The following ZNF521 variants were observed in gnomAD, a reference collection of about 807,000 sequenced individuals.
The protein encoded by ZNF521 is LYST-interacting protein 3.
Under a neutral mutation model 105.5 loss-of-function variants are expected in ZNF521, and 14 were observed. The observed-to-expected ratio is 0.13, with a 90% CI of 0.09 to 0.21. The LOEUF (loss-of-function observed/expected upper bound fraction) is 0.21. Among genes scored for constraint, ZNF521 ranks in the 10% least tolerant of loss-of-function variants. The pLI is 1.00. For missense variants in ZNF521, 1,233 were observed against 1,629.7 expected (o/e 0.76, Z 4.19); for synonymous variants, 635 against 606.0 (o/e 1.05, Z -0.70).
chr18:25,249,221 G>T (rs1907936352), intron 3 of ZNF521, among the ~76,000 whole-genome samples: 2 of 150,482 alleles, frequency 1.3e-5, no homozygotes, highest in South Asian at 4.2e-4. Context: ...TCGGCTCACT[G>T]CTCGGCTCAC....
chr18:25,250,637 T>C (rs1320968528), intron 3 of ZNF521, among the ~76,000 whole-genome samples: 1 of 152,206 alleles, frequency 6.6e-6, no homozygotes, highest in Non-Finnish European at 1.5e-5. Flanking sequence ...ATCTTCCAAA[T>C]AGTGAACTCC....
intron 2 of ZNF521, among the ~76,000 whole-genome samples, chr18:25,337,745 A>G (rs185391724): frequency 1.3e-5 from 2 of 152,304 alleles, no homozygotes; most frequent in East Asian, 3.9e-4. Context: ...TTAACCAGCA[A>G]TTCCATTTTT....
chr18:25,327,719 GAAAT>G (rs1295372171), intron 2 of ZNF521: 1 of 517,968 alleles, frequency 1.9e-6, no homozygotes, highest in Non-Finnish European at 3.9e-6. Context: ...AGATTTAGGG[GAAAT>G]AAATCGCACA....
intron 5 of ZNF521, among the ~76,000 whole-genome samples, chr18:25,174,432 A>G (rs777012397): frequency 4.6e-5 from 7 of 152,200 alleles, no homozygotes; most frequent in Non-Finnish European, 7.3e-5. Flanking sequence ...GTCTCTACTC[A>G]TAAGGGGACC....
At chr18:25,088,861 C>T (rs1390979124) in intron 7 of ZNF521, among the ~76,000 whole-genome samples, 1 of 152,128 alleles carries the variant, frequency 6.6e-6, no homozygotes, top group African/African-American at 2.4e-5. Flanking sequence ...TTTATTTCTT[C>T]ATATCTGAGG....
chr18:25,331,667 A>T (rs1253017545), intron 2 of ZNF521, among the ~76,000 whole-genome samples: 2 of 152,214 alleles, frequency 1.3e-5, no homozygotes, highest in Non-Finnish European at 2.9e-5. Flanking sequence ...TGCCAGTCAA[A>T]TTGCAACATT....
At chr18:25,290,833 C>A (rs764757792) in intron 3 of ZNF521, among the ~76,000 whole-genome samples, 1 of 151,860 alleles carries the variant, frequency 6.6e-6, no homozygotes, top group Admixed American at 6.6e-5. Context: ...GGATTTCAGG[C>A]GTGAGCCACT....
At chr18:25,231,098 T>A (rs952175011) in intron 3 of ZNF521, among the ~76,000 whole-genome samples, 2 of 152,198 alleles carry the variant, frequency 1.3e-5, no homozygotes, top group African/African-American at 4.8e-5. Flanking sequence ...ATTTCCTAAT[T>A]TCGCTGGCTG....
Position 25,259,028 on chromosome 18 carries a change from T to C in ZNF521, c.221-31331A>G, listed in dbSNP as rs146977692. On this transcript the variant is annotated intron_variant, in intron 3 of 7. Transcript: ENST00000361524. ...CACAGATGAGAGAACCAAGACCTAA[T>C]ATGTGCCTAAGAACACAGAGTCCAT... 5.8e-4 allele frequency among the ~76,000 whole-genome samples: 89 copies of C among 152,314 alleles called. No homozygotes were observed. In the South Asian group the frequency reaches 8.3e-3, roughly 14 times the overall value.
intron 5 of ZNF521, among the ~76,000 whole-genome samples, chr18:25,190,383 T>C (rs1360912122): frequency 2.0e-5 from 3 of 152,184 alleles, no homozygotes; most frequent in South Asian, 2.1e-4. Context: ...GCCACACATA[T>C]AGGCATTATT....
chr18:25,194,995 G>T (rs554465907), intron 5 of ZNF521, among the ~76,000 whole-genome samples, 165 bp downstream of exon 5: 1 of 151,498 alleles, frequency 6.6e-6, no homozygotes, highest in African/African-American at 2.4e-5. Flanking sequence ...AATAAAATGT[G>T]CTAACACCTT....
chr18:25,288,512 T>C (rs1257871384), intron 3 of ZNF521, among the ~76,000 whole-genome samples: 1 of 151,590 alleles, frequency 6.6e-6, no homozygotes, highest in African/African-American at 2.4e-5. Context: ...CTTTTCCTCT[T>C]TTCTCTCCCT....
intron 2 of ZNF521, 88 bp from the exon 3 acceptor site, chr18:25,322,275 C>T (rs1231551651): frequency 7.4e-7 from 1 of 1,349,350 alleles, no homozygotes; most frequent in Middle Eastern, 1.8e-4. Context: ...AAAACAGAAA[C>T]ACCATTTTCC....
intron 7 of ZNF521, among the ~76,000 whole-genome samples, chr18:25,074,747 G>A (rs1006353253): frequency 6.6e-6 from 1 of 151,964 alleles, no homozygotes; most frequent in African/African-American, 2.4e-5. Flanking sequence ...AAACCCACAC[G>A]TGAAGTTCCC....
intron 5 of ZNF521, among the ~76,000 whole-genome samples, chr18:25,169,806 G>A (rs566610211): frequency 6.6e-6 from 1 of 152,274 alleles, no homozygotes; most frequent in East Asian, 1.9e-4. Flanking sequence ...GAAAAACAGA[G>A]TAAGAGATCC....
At position 25,147,664 on chromosome 18, in the gene ZNF521, A is replaced by G. The variant is rs61006362; in HGVS notation, c.3658+47496T>C. On this transcript the variant is annotated intron_variant, in intron 5 of 7. Transcript: ENST00000361524. ...TCCAGTCCTGAGATTTTATATCTAT[A>G]AAAGAGGCCTATATTCAGAGAAACA... is the stretch of plus-strand genomic sequence containing the variant. Among the ~76,000 whole-genome samples the G allele has an allele frequency of 1.8e-3, 279 of 152,306 alleles. 3 individuals are homozygous for G. Among genetic ancestry groups the G allele is most frequent in the African/African-American group, 6.1e-3 (255 of 41,560 alleles).
At chr18:25,204,374 C>T (rs2036043884) in intron 4 of ZNF521, among the ~76,000 whole-genome samples, 2 of 151,266 alleles carry the variant, frequency 1.3e-5, no homozygotes, top group South Asian at 4.2e-4. Flanking sequence ...CAAAGGTATC[C>T]CCAATAGTCA....
intron 3 of ZNF521, among the ~76,000 whole-genome samples, chr18:25,274,476 A>T (rs1909905291): frequency 6.6e-6 from 1 of 152,174 alleles, no homozygotes; most frequent in African/African-American, 2.4e-5. Context: ...AAACAATTAG[A>T]TATGTGGTAT....
chr18:25,269,637 C>A lies in ZNF521; in HGVS notation c.221-41940G>T, dbSNP rs540614267. Among the ~76,000 whole-genome samples the A allele has an allele frequency of 9.5e-4, 145 of 152,322 alleles. 1 individual carries two copies. Among genetic ancestry groups the A allele is most frequent in the African/African-American group, 3.3e-3 (137 of 41,568 alleles). ...AATTAGAACTCAGAATTAAGAAACTCACTCAAAACTGCACAACTACATGGA... is the reference window on the plus strand; with the variant it reads ...AATTAGAACTCAGAATTAAGAAACTAACTCAAAACTGCACAACTACATGGA... On this transcript the variant is annotated intron_variant, in intron 3 of 7. Transcript: ENST00000361524.
Sources: gnomAD v4.1 joint callset for allele counts (sites outside exome capture counted in the v4.1 genomes callset) on GRCh38, gnomAD v4.1.1 for gene constraint, MANE v1.5 for transcripts, NCBI Gene and HGNC (gene_info 2026-07-23, HGNC 2026-07-21) for gene names.